SLC17A8: variants seen among roughly 807,000 people sequenced by gnomAD.
SLC17A8 encodes solute carrier family 17 member 8.
In SLC17A8, 31 loss-of-function variants were observed where a neutral mutation model predicts 58.0. That is an observed-to-expected ratio of 0.53 (90% CI 0.40 to 0.72). The LOEUF is 0.72. Among genes scored for constraint, SLC17A8 ranks in the 30% least tolerant of loss-of-function variants. SLC17A8 has a pLI of 0.00. For missense variants in SLC17A8, 655 were observed against 727.8 expected (o/e 0.90, Z 1.15); for synonymous variants, 228 against 249.0 (o/e 0.92, Z 0.79).
At chr12:100,391,623 T>C (rs1307643362) in intron 3 of SLC17A8, among the ~76,000 whole-genome samples, 1 of 152,162 alleles carries the variant, frequency 6.6e-6, no homozygotes, top group East Asian at 1.9e-4. Context: ...TTTCTTTTTA[T>C]TTCGTTTTTC....
chr12:100,382,616 C>T (rs1187672699), intron 2 of SLC17A8, among the ~76,000 whole-genome samples: 1 of 152,164 alleles, frequency 6.6e-6, no homozygotes, highest in Non-Finnish European at 1.5e-5. Flanking sequence ...GTTTTTTGAA[C>T]TAGTGTCTGG....
At chr12:100,412,621 C>A in intron 9 of SLC17A8, 149 bp from the exon 10 acceptor site, 76 of 579,966 alleles carry the variant, frequency 1.3e-4, no homozygotes, top group Middle Eastern at 3.9e-4. Flanking sequence ...ACTTAAATTC[C>A]AGAACTTAAA....
chr12:100,358,012 C>A (rs1435925224), intron 1 of SLC17A8, among the ~76,000 whole-genome samples: 1 of 152,134 alleles, frequency 6.6e-6, no homozygotes, highest in Non-Finnish European at 1.5e-5. Context: ...TAAAAAATGT[C>A]TTTGAAGCAG....
intron 2 of SLC17A8, among the ~76,000 whole-genome samples, chr12:100,383,358 T>A (rs988228773): frequency 2.9e-4 from 44 of 152,314 alleles, no homozygotes; most frequent in African/African-American, 1.0e-3. Flanking sequence ...GGTTTAAATT[T>A]TTTTCCTCTG....
intron 1 of SLC17A8, among the ~76,000 whole-genome samples, chr12:100,374,543 C>T (rs1026241079): frequency 1.3e-5 from 2 of 152,132 alleles, no homozygotes; most frequent in South Asian, 2.1e-4. Flanking sequence ...ACCTGGGAGG[C>T]GGAAGTTGCA....
At chr12:100,358,835 G>A (rs1044301955) in intron 1 of SLC17A8, among the ~76,000 whole-genome samples, 1 of 152,146 alleles carries the variant, frequency 6.6e-6, no homozygotes. Context: ...AAAGGAATCT[G>A]GCAAAGTCAA....
intron 6 of SLC17A8, 61 bp downstream of exon 6, chr12:100,401,924 TGG>T (rs1952794170): frequency 7.5e-7 from 1 of 1,327,710 alleles, no homozygotes; most frequent in African/African-American, 1.4e-5. Flanking sequence ...TTACTGCATA[TGG>T]GTTTGGCTCA....
At chr12:100,367,838 C>T (rs1006222700) in intron 1 of SLC17A8, among the ~76,000 whole-genome samples, 15 of 152,224 alleles carry the variant, frequency 9.9e-5, no homozygotes, top group African/African-American at 1.9e-4. Flanking sequence ...CAGGCGTGAA[C>T]CCCTGTGCCC....
intron 2 of SLC17A8, among the ~76,000 whole-genome samples, chr12:100,385,233 A>ACT (rs536073251): frequency 7.5e-5 from 8 of 106,696 alleles, no homozygotes; most frequent in Non-Finnish European, 8.8e-5. Flanking sequence ...TGTCTTAAAC[A>ACT]TTTTTTTTTT....
intron 9 of SLC17A8, among the ~76,000 whole-genome samples, chr12:100,409,208 C>T (rs550082721): frequency 6.6e-6 from 1 of 151,802 alleles, no homozygotes; most frequent in South Asian, 2.1e-4. Context: ...TATTTAGAGA[C>T]AGAGTCTCAC....
intron 1 of SLC17A8, among the ~76,000 whole-genome samples, chr12:100,369,105 A>G (rs1167296965): frequency 6.6e-6 from 1 of 152,038 alleles, no homozygotes; most frequent in African/African-American, 2.4e-5. Flanking sequence ...GTGAAATCCC[A>G]TCTCTACTAA....
rs1952953212 is a variant in SLC17A8 at position 100,421,914 on chromosome 12, T to C, written c.*1755T>C. On this transcript the variant is annotated 3_prime_UTR_variant, in exon 12 of 12. Transcript: ENST00000323346. Reference sequence around the variant, plus strand: ...CAGAAAATGCCCACGTAAATAGCTGTCATCATCATTATCTTTTAACATTTT... The same window carrying C: ...CAGAAAATGCCCACGTAAATAGCTGCCATCATCATTATCTTTTAACATTTT... 1 of 152,194 alleles carries C rather than the reference T, an allele frequency of 6.6e-6. No homozygotes were observed. The highest frequency in any genetic ancestry group is 1.9e-4 in the East Asian group (1 of 5,194). The allele number at this position is 152,194 out of a possible 1,614,324, so 9.4% of individuals were successfully genotyped here.
chr12:100,402,237 T>G (rs1952796271), intron 6 of SLC17A8, 103 bp from the exon 7 acceptor site: 5 of 1,310,340 alleles, frequency 3.8e-6, no homozygotes, highest in Non-Finnish European at 5.4e-6. Flanking sequence ...CATTGGTACA[T>G]TACCCATTTT....
At chr12:100,405,821 G>A (rs1952822609) in intron 9 of SLC17A8, among the ~76,000 whole-genome samples, 1 of 152,106 alleles carries the variant, frequency 6.6e-6, no homozygotes, top group South Asian at 2.1e-4. Flanking sequence ...CACTGAGTTT[G>A]TGGTAATTTA....
intron 8 of SLC17A8, 116 bp from the exon 9 acceptor site, chr12:100,403,922 G>C: frequency 8.7e-7 from 1 of 1,146,716 alleles, no homozygotes; most frequent in Non-Finnish European, 1.3e-6. Flanking sequence ...ATAATTAGAT[G>C]CTTAAATTTG....
At chr12:100,361,657 G>A (rs1222922612) in intron 1 of SLC17A8, among the ~76,000 whole-genome samples, 1 of 152,172 alleles carries the variant, frequency 6.6e-6, no homozygotes, top group Non-Finnish European at 1.5e-5. Context: ...CTGGGAGGGA[G>A]TAAAACAAGA....
At position 100,419,869 on chromosome 12, in the gene SLC17A8, G is replaced by T. The variant is rs1381002464; in HGVS notation, c.1480G>T (p.Gly494Cys). 1 of 1,614,034 alleles carries T rather than the reference G, an allele frequency of 6.2e-7. No homozygotes were observed. Among genetic ancestry groups the T allele is most frequent in the African/African-American group, 1.3e-5 (1 of 75,044 alleles). The stretch of plus-strand genomic sequence containing the variant: ...CATAGCTGCCCTGGTGCATTACAGT[G>T]GTGTGATCTTCTATGGGGTCTTTGC... ...FLIAALVHYS[G>C]VIFYGVFASG... is the part of the protein sequence containing the mutation. Residue 494 changes from glycine to cysteine, a missense_variant, in exon 12 of 12, where the codon GGT (glycine) becomes TGT (cysteine). Coordinates refer to ENST00000323346, the MANE Select transcript of SLC17A8 (RefSeq NM_139319.3).
chr12:100,377,384 C>G (rs1045047185), intron 1 of SLC17A8, among the ~76,000 whole-genome samples: 6 of 151,596 alleles, frequency 4.0e-5, no homozygotes, highest in Admixed American at 6.6e-5. Context: ...TAAGAACAAC[C>G]CTATGAAGAA....
chr12:100,367,863 T>C (rs1319557917), intron 1 of SLC17A8, among the ~76,000 whole-genome samples: 6 of 152,184 alleles, frequency 3.9e-5, no homozygotes, highest in Non-Finnish European at 5.9e-5. Context: ...TTCAAGTTAT[T>C]TTTTTTAAAA....
Sources: allele counts gnomAD v4.1 joint callset (sites outside exome capture counted in the v4.1 genomes callset), GRCh38; gene constraint gnomAD v4.1.1; transcripts MANE v1.5; gene names NCBI Gene and HGNC (gene_info 2026-07-23, HGNC 2026-07-21).